NDE1: variants seen among roughly 807,000 people sequenced by gnomAD.
NDE1 encodes nudE neurodevelopment protein 1.
In NDE1, 28 loss-of-function variants were observed where a neutral mutation model predicts 43.4. The observed-to-expected ratio is 0.65, with a 90% CI of 0.48 to 0.89. The LOEUF (loss-of-function observed/expected upper bound fraction) is 0.89, where lower values mean the gene tolerates loss of function less well. NDE1 is among the 40% of genes least tolerant of loss of function. NDE1 has a pLI of 0.00. For missense variants in NDE1, 441 were observed against 434.1 expected, an observed-to-expected ratio of 1.02 and a Z score of -0.14; for synonymous variants, 184 against 172.0, an observed-to-expected ratio of 1.07 and a Z score of -0.55.
chr16:15,646,958 G>A (rs994290287), upstream of NDE1, among the ~76,000 whole-genome samples: 1 of 151,716 alleles, frequency 6.6e-6, no homozygotes, highest in Non-Finnish European at 1.5e-5. Context: ...GCTGAGGCAG[G>A]AGAATCGCTT....
At position 15,674,771 on chromosome 16, in the gene NDE1, A is replaced by G. The variant is rs114548989; in HGVS notation, c.238-3030A>G. ...CTGTTGCCCAGGTTGGAGTGCAGTG[A>G]TGCAATCACGGCTCACTGCAGCTTC... On this transcript the variant is annotated intron_variant, in intron 3 of 8. Transcript: ENST00000396354. Among the ~76,000 whole-genome samples, 529 of 151,464 alleles carry G rather than the reference A, an allele frequency of 3.5e-3. 5 individuals are homozygous for G. The highest frequency in any genetic ancestry group is 0.012 in the African/African-American group (485 of 41,284).
At chr16:15,668,995 G>C (rs1371429639) in intron 3 of NDE1, among the ~76,000 whole-genome samples, 1 of 151,960 alleles carries the variant, frequency 6.6e-6, no homozygotes, top group Non-Finnish European at 1.5e-5. Context: ...CGCCTCCCAG[G>C]TTCACACCAT....
At chr16:15,674,692 CAG>C (rs999319051) in intron 3 of NDE1, among the ~76,000 whole-genome samples, 19 of 152,130 alleles carry the variant, frequency 1.2e-4, no homozygotes, top group African/African-American at 4.3e-4. Flanking sequence ...GCACAAACAA[CAG>C]AAGTCATTGA....
At position 15,696,850 on chromosome 16, in the gene NDE1, G is replaced by C; in HGVS notation, c.937G>C (p.Gly313Arg). Reference protein sequence around the residue: ...RRPSSTSVPLGDKGLDTSCRW... With the variant: ...RRPSSTSVPLRDKGLDTSCRW... ...GCCAAGCAGCACCAGCGTGCCTTTGGGTGATAAGGGGTCAGTACCTTCTAA... is the reference window on the plus strand; with the variant it reads ...GCCAAGCAGCACCAGCGTGCCTTTGCGTGATAAGGGGTCAGTACCTTCTAA... The change falls in exon 8 of 9, where the codon GGT (glycine) becomes CGT (arginine). Residue 313 changes from glycine (G) to arginine (R), a missense_variant. Transcript: ENST00000396354. 1.9e-6 allele frequency: 3 copies of C among 1,614,156 alleles called. No individual in the cohort carries two copies. Among genetic ancestry groups the C allele is most frequent in the Non-Finnish European group, 2.5e-6 (3 of 1,180,024 alleles).
upstream of NDE1, among the ~76,000 whole-genome samples, chr16:15,649,926 A>G (rs2036411715): frequency 6.6e-6 from 1 of 152,194 alleles, no homozygotes; most frequent in Middle Eastern, 3.2e-3. Context: ...AGGCCGGCGT[A>G]TTTTCCTGAA....
intron 3 of NDE1, chr16:15,672,568 A>C (rs1427370650): frequency 6.6e-6 from 1 of 152,212 alleles, no homozygotes; most frequent in African/African-American, 2.4e-5. Context: ...TCACGGGTTG[A>C]ATGAAAAAGC....
intron 8 of NDE1, chr16:15,721,472 T>G: frequency 1.2e-6 from 2 of 1,614,210 alleles, no homozygotes; most frequent in Non-Finnish European, 1.7e-6. Flanking sequence ...ATTTCGGCTT[T>G]GAGCATTTTG....
At chr16:15,646,805 C>T (rs2036339767), upstream of NDE1, among the ~76,000 whole-genome samples, 1 of 151,848 alleles carries the variant, frequency 6.6e-6, no homozygotes. Context: ...AATCCCAGCA[C>T]TTTTGGAGGC....
At chr16:15,665,154 G>A (rs542412187) in intron 2 of NDE1, among the ~76,000 whole-genome samples, 1 of 151,686 alleles carries the variant, frequency 6.6e-6, no homozygotes, top group Non-Finnish European at 1.5e-5. Flanking sequence ...CTCCCACAGT[G>A]TTGGGACTAC....
intron 5 of NDE1, among the ~76,000 whole-genome samples, chr16:15,690,322 G>C (rs2038669096): frequency 7.4e-6 from 1 of 135,970 alleles, no homozygotes; most frequent in Admixed American, 7.7e-5. Context: ...ATAGGCTTGA[G>C]CCAGTGCAAC....
chr16:15,707,145 T>A (rs1596670269), intron 8 of NDE1, among the ~76,000 whole-genome samples: 1 of 152,068 alleles, frequency 6.6e-6, no homozygotes, highest in East Asian at 1.9e-4. Flanking sequence ...TTCAAGCGAT[T>A]CTCCTGCCTC....
chr16:15,650,877 C>G (rs1323389743), intron 1 of NDE1, among the ~76,000 whole-genome samples: 1 of 152,210 alleles, frequency 6.6e-6, no homozygotes, highest in African/African-American at 2.4e-5. Context: ...AAAACCCACC[C>G]TGCTCCCTCC....
chr16:15,665,765 T>C (rs959410130), intron 2 of NDE1, among the ~76,000 whole-genome samples: 10 of 151,342 alleles, frequency 6.6e-5, no homozygotes, highest in Non-Finnish European at 1.2e-4. Context: ...TTTTCTTTTT[T>C]TTTTTTTTGA....
chr16:15,726,145 TG>T lies in NDE1; in HGVS notation c.*1897del, dbSNP rs1241121067. ...GTTAGGCCCCCTGGTTATTTACACT[TG>T]GGCATCATGTGCCTTCCCTTTGCTG... is the stretch of plus-strand genomic sequence containing the variant. On this transcript the variant is annotated 3_prime_UTR_variant, in exon 9 of 9. Coordinates refer to ENST00000396354, the MANE Select transcript of NDE1 (RefSeq NM_017668.3). 1.3e-5 allele frequency: 2 copies of T among 158,834 alleles called. No homozygotes were observed. Among genetic ancestry groups the T allele is most frequent in the African/African-American group, 4.8e-5 (2 of 41,674 alleles). The allele number at this position is 158,834 out of a possible 1,614,324, so 9.8% of individuals were successfully genotyped here.
chr16:15,695,468 G>A (rs1021988745), intron 7 of NDE1: 25 of 971,980 alleles, frequency 2.6e-5, no homozygotes, highest in Admixed American at 6.8e-5. Context: ...AGATCGCACC[G>A]CTGGGTGACA....
chr16:15,647,103 C>T (rs146539195), upstream of NDE1, among the ~76,000 whole-genome samples: 15 of 152,320 alleles, frequency 9.8e-5, no homozygotes, highest in East Asian at 2.9e-3. Context: ...AAGTGTGAAG[C>T]AGCATGTAAA....
At chr16:15,712,446 A>G (rs537375900) in intron 8 of NDE1, among the ~76,000 whole-genome samples, 1 of 151,986 alleles carries the variant, frequency 6.6e-6, no homozygotes, top group South Asian at 2.1e-4. Flanking sequence ...TCAGGAGTTC[A>G]AGACCAGCCT....
intron 8 of NDE1, among the ~76,000 whole-genome samples, chr16:15,705,557 G>A (rs1003864109): frequency 3.3e-5 from 5 of 152,192 alleles, no homozygotes; most frequent in Non-Finnish European, 5.9e-5. Context: ...ATCTGGCCCT[G>A]TTTGACCTGA....
At chr16:15,700,679 G>A (rs368789650) in intron 8 of NDE1, among the ~76,000 whole-genome samples, 18 of 151,904 alleles carry the variant, frequency 1.2e-4, no homozygotes, top group Admixed American at 3.3e-4. Context: ...TTGAACTCCC[G>A]GCCTCAAGTG....
Sources: allele counts gnomAD v4.1 joint callset (sites outside exome capture counted in the v4.1 genomes callset), GRCh38; gene constraint gnomAD v4.1.1; transcripts MANE v1.5; gene names NCBI Gene and HGNC (gene_info 2026-07-23, HGNC 2026-07-21).